The following TOM1L2 variants were observed in gnomAD, a reference collection of about 807,000 sequenced individuals.
The protein encoded by TOM1L2 is target of myb1 like 2 membrane trafficking protein, also known as TOM1-like protein 2.
TOM1L2 carries 31 observed loss-of-function variants against 67.9 expected under a neutral mutation model. The ratio of observed to expected loss-of-function variants is 0.46; its 90% CI spans 0.34 to 0.62. The LOEUF is 0.62. Among genes scored for constraint, TOM1L2 ranks in the 20% least tolerant of loss-of-function variants. TOM1L2 has a pLI of 0.01. For synonymous variants in TOM1L2, 256 were observed against 254.0 expected (o/e 1.01, Z -0.07); for missense variants, 606 against 663.5 (o/e 0.91, Z 0.95).
intron 5 of TOM1L2, among the ~76,000 whole-genome samples, chr17:17,883,871 C>T (rs2144078613): frequency 6.6e-6 from 1 of 152,248 alleles, no homozygotes; most frequent in East Asian, 1.9e-4. Flanking sequence ...GCAGTGGGGG[C>T]AGGCAAGGTG....
In TOM1L2 at chr17:17,952,376, C is replaced by CT. The variant is rs60388742; in HGVS notation, c.52+19885dup. Among the ~76,000 whole-genome samples, 764 of 79,614 alleles carry CT rather than the reference C, an allele frequency of 9.6e-3. 28 individuals carry two copies. The highest frequency in any genetic ancestry group is 0.012 in the African/African-American group (284 of 22,752). The allele number at this position is 79,614 out of a possible 152,430, so 52.2% of individuals were successfully genotyped here. Reference sequence around the variant, plus strand: ...TATACAGTAAGTGCTTCTTTATTTTCTTTTTTTTTTTTTTTTTTTTTTTTT... The same window carrying CT: ...TATACAGTAAGTGCTTCTTTATTTTCTTTTTTTTTTTTTTTTTTTTTTTTTT... On this transcript the variant is annotated intron_variant, in intron 1 of 14. Transcript: ENST00000379504.
chr17:17,857,648 C>T (rs1456124042), intron 12 of TOM1L2: 12 of 788,030 alleles, frequency 1.5e-5, no homozygotes, highest in African/African-American at 8.7e-5. Context: ...AGAAAGAAAG[C>T]GTGTGGCCTT....
intron 1 of TOM1L2, among the ~76,000 whole-genome samples, chr17:17,943,798 T>C (rs533784319): frequency 6.6e-6 from 1 of 152,322 alleles, no homozygotes; most frequent in East Asian, 1.9e-4. Flanking sequence ...TCAGGGTGAC[T>C]ATCTCTAACC....
At chr17:17,912,245 C>A (rs1367781094) in intron 1 of TOM1L2, among the ~76,000 whole-genome samples, 2 of 150,116 alleles carry the variant, frequency 1.3e-5, no homozygotes, top group Non-Finnish European at 1.5e-5. Flanking sequence ...GCAGAGGCGC[C>A]CCTCACCTCC....
At chr17:17,952,454 G>A (rs1280958189) in intron 1 of TOM1L2, among the ~76,000 whole-genome samples, 2 of 125,948 alleles carry the variant, frequency 1.6e-5, no homozygotes, top group Non-Finnish European at 3.2e-5. Flanking sequence ...GCAGTGGTGT[G>A]ATCTTACCTC....
intron 1 of TOM1L2, among the ~76,000 whole-genome samples, chr17:17,910,452 G>A (rs1273409354): frequency 6.6e-6 from 1 of 152,188 alleles, no homozygotes; most frequent in African/African-American, 2.4e-5. Flanking sequence ...TCTCAGCCCT[G>A]GCTGTACACG....
At chr17:17,892,177 C>G (rs1211455967) in intron 4 of TOM1L2, among the ~76,000 whole-genome samples, 7 of 152,196 alleles carry the variant, frequency 4.6e-5, no homozygotes, top group Middle Eastern at 3.2e-3. Flanking sequence ...GCTCTGAAAG[C>G]TGGGGAAAGA....
chr17:17,971,719 T>C (rs1005142982), intron 1 of TOM1L2, among the ~76,000 whole-genome samples: 2 of 152,182 alleles, frequency 1.3e-5, no homozygotes, highest in African/African-American at 4.8e-5. Flanking sequence ...CCAAAGCGCA[T>C]TGGGGAAGCA....
chr17:17,900,426 G>A (rs1053554874), intron 2 of TOM1L2, among the ~76,000 whole-genome samples: 3 of 150,530 alleles, frequency 2.0e-5, no homozygotes, highest in East Asian at 3.9e-4. Context: ...GGAGGCTGAG[G>A]CAAGAGAATT....
intron 13 of TOM1L2, among the ~76,000 whole-genome samples, chr17:17,849,331 G>C (rs2035830704): frequency 6.6e-6 from 1 of 152,192 alleles, no homozygotes. Flanking sequence ...GACACCAATA[G>C]CTGGAAACCG....
At chr17:17,871,883 G>A in intron 7 of TOM1L2, 1 of 761,290 alleles carries the variant, frequency 1.3e-6, no homozygotes, top group Non-Finnish European at 1.6e-6. Context: ...ACAAGTGCTA[G>A]AATTAATAAG....
chr17:17,847,681 C>G lies in TOM1L2; in HGVS notation c.1478G>C (p.Gly493Ala), dbSNP rs2035721993. Residue 493 changes from glycine to alanine, a missense_variant, in exon 15 of 15, where the codon GGC becomes GCC. Physicochemically the swap from Gly to Ala is moderately conservative, Grantham distance 60. Around this residue, in one of 2 missense-constraint regions of TOM1L2, gnomAD observed 543 missense variants for 554.0 expected, o/e 0.98. Transcript: ENST00000379504. ...CTCTGACCGCTCTGGCTTCTTCCGG[C>G]CAGAAGGGTTTGAGGCTGGGGCAGG... is the stretch of plus-strand genomic sequence containing the variant. ...EAPAPASNPS[G>A]RKKPERSEDA... The G allele has an allele frequency of 1.2e-6, 2 of 1,613,902 alleles. No individual in the cohort carries two copies.
chr17:17,865,889 T>C (rs1255685754), intron 10 of TOM1L2, among the ~76,000 whole-genome samples: 3 of 151,374 alleles, frequency 2.0e-5, no homozygotes, highest in Non-Finnish European at 4.4e-5. Context: ...GGATTGCAGG[T>C]GCCCACCATG....
At chr17:17,878,433 T>C (rs925163508) in intron 7 of TOM1L2, among the ~76,000 whole-genome samples, 1 of 152,250 alleles carries the variant, frequency 6.6e-6, no homozygotes, top group Admixed American at 6.5e-5. Flanking sequence ...CCACAGCTCA[T>C]GCACCTCTGT....
Position 17,972,196 on chromosome 17 carries a change from C to T in TOM1L2, c.52+66G>A, listed in dbSNP as rs1169583426. On this transcript the variant is annotated intron_variant, in intron 1 of 14. Coordinates refer to ENST00000379504, the MANE Select transcript of TOM1L2 (RefSeq NM_001082968.2). ...GTGGCACCGGCGCCCGGCGGAGGCC[C>T]GCGGTCCTCACCAGCCGGATCAGCG... The T allele has an allele frequency of 4.5e-6, 7 of 1,539,502 alleles. No individual in the cohort carries two copies. The African/African-American group carries it at 6.9e-5, about 15-fold the overall frequency.
intron 11 of TOM1L2, 24 bp from the exon 12 acceptor site, chr17:17,861,575 G>A (rs1205970156): frequency 4.3e-6 from 7 of 1,611,490 alleles, no homozygotes; most frequent in African/African-American, 1.3e-5. Context: ...AGCAGCACAA[G>A]CAGAGTTCAT....
At chr17:17,932,692 G>T (rs760083379) in intron 1 of TOM1L2, among the ~76,000 whole-genome samples, 1 of 152,026 alleles carries the variant, frequency 6.6e-6, no homozygotes, top group African/African-American at 2.4e-5. Context: ...AAAATATTGG[G>T]GTAAGGTGTT....
intron 7 of TOM1L2, among the ~76,000 whole-genome samples, chr17:17,876,971 A>G (rs2037456813): frequency 6.6e-6 from 1 of 152,230 alleles, no homozygotes; most frequent in Non-Finnish European, 1.5e-5. Flanking sequence ...CAGAGAGTGG[A>G]GGATTTGACG....
intron 1 of TOM1L2, among the ~76,000 whole-genome samples, chr17:17,957,856 C>T (rs902701936): frequency 1.3e-5 from 2 of 151,574 alleles, no homozygotes; most frequent in East Asian, 1.9e-4. Context: ...AATCCCAGGC[C>T]GAGGTGGGCG....
Sources: allele counts gnomAD v4.1 joint callset (sites outside exome capture counted in the v4.1 genomes callset), GRCh38; gene constraint gnomAD v4.1.1; regional missense constraint gnomAD v4.1.1; transcripts MANE v1.5; gene names NCBI Gene and HGNC (gene_info 2026-07-23, HGNC 2026-07-21).